PTPRD: variants seen among roughly 807,000 people sequenced by gnomAD.
The protein encoded by PTPRD is protein tyrosine phosphatase receptor type D.
Under a neutral mutation model 214.5 loss-of-function variants are expected in PTPRD, and 34 were observed. The observed-to-expected ratio is 0.16, with a 90% CI of 0.12 to 0.21. The LOEUF (loss-of-function observed/expected upper bound fraction) is 0.21, where lower values mean the gene tolerates loss of function less well. PTPRD is among the 10% of genes least tolerant of loss of function. PTPRD has a pLI of 1.00. For synonymous variants in PTPRD, 1,128 were observed against 845.7 expected, an observed-to-expected ratio of 1.33 and a Z score of -5.79; for missense variants, 2,545 against 2,398.7, an observed-to-expected ratio of 1.06 and a Z score of -1.27.
intron 14 of PTPRD, among the ~76,000 whole-genome samples, chr9:8,630,129 C>A (rs537872825): frequency 4.4e-4 from 67 of 151,894 alleles, no homozygotes; most frequent in African/African-American, 1.5e-3. Context: ...ATCATGAGAG[C>A]TGGCACATTT....
At chr9:9,122,755 C>T (rs1311220198) in intron 10 of PTPRD, among the ~76,000 whole-genome samples, 1 of 152,180 alleles carries the variant, frequency 6.6e-6, no homozygotes, top group Non-Finnish European at 1.5e-5. Flanking sequence ...TATACCCATA[C>T]TCTCATCTAA....
At chr9:8,663,090 A>C (rs1381506825) in intron 12 of PTPRD, among the ~76,000 whole-genome samples, 1 of 152,150 alleles carries the variant, frequency 6.6e-6, no homozygotes, top group Non-Finnish European at 1.5e-5. Flanking sequence ...TTTTTATTTT[A>C]TCAAATAAAA....
chr9:10,339,391 C>G (rs542169196), intron 3 of PTPRD, among the ~76,000 whole-genome samples: 1 of 151,682 alleles, frequency 6.6e-6, no homozygotes, highest in Admixed American at 6.6e-5. Context: ...AGTAAGCATC[C>G]CTTACTTTTC....
intron 14 of PTPRD, among the ~76,000 whole-genome samples, chr9:8,596,394 T>A (rs944967797): frequency 2.0e-5 from 3 of 151,582 alleles, no homozygotes; most frequent in Non-Finnish European, 4.4e-5. Flanking sequence ...CTGAAAAAAA[T>A]AAAAAAGATG....
chr9:8,636,995 A>T (rs889075155), intron 12 of PTPRD, 151 bp from the exon 13 acceptor site: 2 of 771,956 alleles, frequency 2.6e-6, no homozygotes, highest in Non-Finnish European at 3.9e-6. Flanking sequence ...TTAGAAAAGC[A>T]TCTTTTACTT....
At chr9:8,740,848 C>T (rs948882187) in intron 11 of PTPRD, among the ~76,000 whole-genome samples, 1 of 152,066 alleles carries the variant, frequency 6.6e-6, no homozygotes, top group Non-Finnish European at 1.5e-5. Flanking sequence ...AATATGAAGA[C>T]CCCAGGGGAC....
chr9:9,931,108 A>G (rs923795791), intron 5 of PTPRD, among the ~76,000 whole-genome samples: 1 of 152,200 alleles, frequency 6.6e-6, no homozygotes, highest in African/African-American at 2.4e-5. Context: ...TATTTTTATG[A>G]AACAATTTAA....
chr9:9,269,583 G>C (rs887750368), intron 9 of PTPRD, among the ~76,000 whole-genome samples: 1 of 151,312 alleles, frequency 6.6e-6, no homozygotes, highest in Admixed American at 6.6e-5. Flanking sequence ...TTTTCCAATA[G>C]TCAAGATAAA....
chr9:8,914,565 A>G (rs964628864), intron 11 of PTPRD, among the ~76,000 whole-genome samples: 1 of 152,086 alleles, frequency 6.6e-6, no homozygotes. Flanking sequence ...AGCTGTAATG[A>G]TTGGGAACTG....
intron 6 of PTPRD, among the ~76,000 whole-genome samples, chr9:9,746,975 G>C (rs1162394638): frequency 2.0e-5 from 3 of 152,142 alleles, no homozygotes; most frequent in Non-Finnish European, 4.4e-5. Context: ...CCCTGTAGGT[G>C]TTAGGAAACG....
intron 11 of PTPRD, among the ~76,000 whole-genome samples, chr9:8,943,881 A>C (rs2154296957): frequency 1.3e-5 from 2 of 152,066 alleles, no homozygotes; most frequent in African/African-American, 4.8e-5. Context: ...ACAAGCAACC[A>C]AAACAAAAAA....
At chr9:9,430,525 T>A (rs542191106) in intron 8 of PTPRD, among the ~76,000 whole-genome samples, 2 of 152,146 alleles carry the variant, frequency 1.3e-5, no homozygotes, top group South Asian at 4.1e-4. Flanking sequence ...CTACCAATGA[T>A]TTTCTTCACA....
intron 2 of PTPRD, among the ~76,000 whole-genome samples, chr9:10,436,033 C>A (rs769920735): frequency 6.6e-6 from 1 of 151,704 alleles, no homozygotes; most frequent in African/African-American, 2.4e-5. Context: ...ATGATTAAAG[C>A]GGTATAACAC....
At chr9:10,467,406 T>C (rs1289298362) in intron 2 of PTPRD, among the ~76,000 whole-genome samples, 1 of 152,224 alleles carries the variant, frequency 6.6e-6, no homozygotes, top group Non-Finnish European at 1.5e-5. Flanking sequence ...ATTATTATTA[T>C]TGGCATCCTA....
intron 11 of PTPRD, among the ~76,000 whole-genome samples, chr9:8,777,032 G>A (rs1447412074): frequency 8.9e-6 from 1 of 112,814 alleles, no homozygotes; most frequent in Non-Finnish European, 2.0e-5. Flanking sequence ...CCAGGCAGGA[G>A]TGCAGTGGCA....
intron 2 of PTPRD, among the ~76,000 whole-genome samples, chr9:10,592,562 G>T (rs980982460): frequency 1.3e-5 from 2 of 151,968 alleles, no homozygotes; most frequent in African/African-American, 4.8e-5. Flanking sequence ...CTGGTAGTGA[G>T]AGGGGAAGCC....
intron 10 of PTPRD, among the ~76,000 whole-genome samples, chr9:9,118,466 A>G (rs2099814432): frequency 6.6e-6 from 1 of 152,156 alleles, no homozygotes; most frequent in South Asian, 2.1e-4. Context: ...TTTTAGTCAC[A>G]CACTGGCTTC....
Position 10,248,533 on chromosome 9 carries a change from A to AAAAAAC in PTPRD, c.-545+92429_-545+92430insGTTTTT, listed in dbSNP as rs60272481. ...TAGCAAAAAAAAAAAAAAATAAAAA[A>AAAAAAC]AATAAAGCGAGAAACCAAAATGATA... On this transcript the variant is annotated intron_variant, in intron 3 of 45. Transcript: ENST00000381196. Among the ~76,000 whole-genome samples, 855 of 127,314 alleles carry AAAAAAC rather than the reference A, an allele frequency of 6.7e-3. 30 individuals are homozygous for AAAAAAC. The highest frequency in any genetic ancestry group is 0.01 in the African/African-American group (306 of 30,326). The allele number at this position is 127,314 out of a possible 152,430, so 83.5% of individuals were successfully genotyped here.
chr9:10,444,407 A>G (rs1448556087), intron 2 of PTPRD, among the ~76,000 whole-genome samples: 1 of 151,836 alleles, frequency 6.6e-6, no homozygotes, highest in East Asian at 1.9e-4. Context: ...AGACATAAAT[A>G]CTAACATTAT....
Sources: gnomAD v4.1 joint callset for allele counts (sites outside exome capture counted in the v4.1 genomes callset) on GRCh38, gnomAD v4.1.1 for gene constraint, MANE v1.5 for transcripts, NCBI Gene and HGNC (gene_info 2026-07-23, HGNC 2026-07-21) for gene names.